Variants in CCNH observed in about 807,000 individuals in gnomAD.
The protein encoded by CCNH is cyclin-H.
A neutral mutation model predicts 41.9 loss-of-function variants in CCNH; 31 were observed. The ratio of observed to expected loss-of-function variants is 0.74; its 90% CI spans 0.56 to 1.00. The LOEUF is 1.00. Among genes scored for constraint, CCNH ranks in the 50% least tolerant of loss-of-function variants. The pLI is 0.00. For missense variants in CCNH, 362 were observed against 388.4 expected (o/e 0.93, Z 0.57); for synonymous variants, 138 against 136.1 (o/e 1.01, Z -0.10).
intron 9 of CCNH, among the ~76,000 whole-genome samples, chr5:87,356,239 C>G (rs1179368174): frequency 6.6e-6 from 1 of 152,086 alleles, no homozygotes; most frequent in East Asian, 1.9e-4. Context: ...TCAATTGATG[C>G]AGCAGACTTC....
chr5:87,355,614 C>G (rs887232904), intron 9 of CCNH, among the ~76,000 whole-genome samples: 4 of 152,176 alleles, frequency 2.6e-5, no homozygotes, highest in African/African-American at 9.7e-5. Context: ...TATTCTGCAG[C>G]CCATGGATCA....
At chr5:87,349,475 A>G in intron 9 of CCNH, 2 of 1,250,456 alleles carry the variant, frequency 1.6e-6, no homozygotes, top group Non-Finnish European at 1.1e-6. Flanking sequence ...TCTAAAAATT[A>G]TAAGACCTTC....
At position 87,362,691 on chromosome 5, in the gene CCNH, A is replaced by T. The variant is rs775159328; in HGVS notation, c.*90+30079T>A. 21 of 1,599,456 alleles carry T rather than the reference A, an allele frequency of 1.3e-5. No homozygotes were observed. Among genetic ancestry groups the T allele is most frequent in the Non-Finnish European group, 1.6e-5 (19 of 1,167,246 alleles). The stretch of plus-strand genomic sequence containing the variant: ...AAAAGGGTAAGTTCAGACTTTTATC[A>T]TTAACCCATTTGATAGAGACGTTGT... On this transcript the variant is annotated intron_variant and NMD_transcript_variant, in intron 9 of 9. Transcript: ENST00000645953.
chr5:87,322,487 A>C (rs1239851867), intron 9 of CCNH, among the ~76,000 whole-genome samples: 1 of 152,202 alleles, frequency 6.6e-6, no homozygotes, highest in Non-Finnish European at 1.5e-5. Context: ...TAAATCAGTC[A>C]GTCCCTGGTG....
At chr5:87,369,129 T>A (rs898329519) in intron 9 of CCNH, among the ~76,000 whole-genome samples, 2 of 152,176 alleles carry the variant, frequency 1.3e-5, no homozygotes, top group African/African-American at 4.8e-5. Flanking sequence ...AGAAGTAACA[T>A]TTATTGAGTT....
At chr5:87,318,297 G>A (rs1232648750), downstream of CCNH, 1 of 152,080 alleles carries the variant, frequency 6.6e-6, no homozygotes, top group Non-Finnish European at 1.5e-5. Flanking sequence ...CCAGTATAGG[G>A]GAACATGTAA....
At chr5:87,411,624 G>A (rs1380645652) in intron 1 of CCNH, among the ~76,000 whole-genome samples, 2 of 152,048 alleles carry the variant, frequency 1.3e-5, no homozygotes, top group East Asian at 3.9e-4. Context: ...GTGTGCACAT[G>A]CTCACAGTTG....
chr5:87,376,488 C>A (rs1440445181), exon 1 of CCNH: 1 of 1,613,962 alleles, frequency 6.2e-7, no homozygotes, highest in Non-Finnish European at 8.5e-7. Flanking sequence ...AGGTATTGAA[C>A]CAGGGTCCCT....
downstream of CCNH, chr5:87,391,116 A>C: frequency 1.6e-6 from 1 of 614,736 alleles, no homozygotes; most frequent in Non-Finnish European, 2.9e-6. Flanking sequence ...AATCTTTAAC[A>C]ACCTCTGAGC....
chr5:87,385,240 A>G (rs570834587), intron 9 of CCNH: 9 of 1,044,442 alleles, frequency 8.6e-6, no homozygotes, highest in Admixed American at 1.7e-5. Context: ...TAAATTTATA[A>G]TGGTTTAGCT....
chr5:87,329,491 A>G (rs183824162), intron 9 of CCNH, among the ~76,000 whole-genome samples: 5 of 152,190 alleles, frequency 3.3e-5, no homozygotes, highest in Admixed American at 1.3e-4. Context: ...AAACATATAT[A>G]TTACTTAAAA....
chr5:87,395,467 T>C (rs1762881536), intron 7 of CCNH, among the ~76,000 whole-genome samples: 1 of 152,154 alleles, frequency 6.6e-6, no homozygotes, highest in African/African-American at 2.4e-5. Context: ...AAGTGAGATA[T>C]TAAACAGATC....
chr5:87,383,085 C>G (rs1761833276), intron 9 of CCNH, among the ~76,000 whole-genome samples: 1 of 152,132 alleles, frequency 6.6e-6, no homozygotes, highest in Non-Finnish European at 1.5e-5. Flanking sequence ...CAGAACAAAA[C>G]CCTATCTCAA....
chr5:87,401,867 C>T, intron 5 of CCNH, 95 bp from the exon 6 acceptor site: 2 of 682,620 alleles, frequency 2.9e-6, no homozygotes, highest in South Asian at 5.5e-5. Context: ...TCATCAAAGG[C>T]AATTAAAAAA....
intron 2 of CCNH, among the ~76,000 whole-genome samples, chr5:87,409,778 G>A (rs751288348): frequency 9.9e-5 from 15 of 151,996 alleles, no homozygotes; most frequent in Non-Finnish European, 1.9e-4. Flanking sequence ...CATGGGCAAG[G>A]CAATAAGCCT....
chr5:87,389,195 G>A, downstream of CCNH: 1 of 513,880 alleles, frequency 1.9e-6, no homozygotes, highest in East Asian at 3.9e-5. Flanking sequence ...GCTGGGCATG[G>A]TGGCAGGTGC....
At chr5:87,331,209 A>C (rs1757571595) in intron 9 of CCNH, 1 of 1,042,336 alleles carries the variant, frequency 9.6e-7, no homozygotes, top group Admixed American at 1.7e-5. Context: ...TTAAAATTGG[A>C]ATAACTGGTT....
intron 3 of CCNH, among the ~76,000 whole-genome samples, chr5:87,408,798 A>T (rs1431559944): frequency 1.3e-5 from 2 of 152,132 alleles, no homozygotes; most frequent in Non-Finnish European, 2.9e-5. Context: ...AAAAGAGAAA[A>T]CAGGTACAAT....
intron 9 of CCNH, among the ~76,000 whole-genome samples, chr5:87,321,935 C>T (rs1343100635): frequency 6.6e-6 from 1 of 152,162 alleles, no homozygotes; most frequent in African/African-American, 2.4e-5. Context: ...AGGAGAAGGT[C>T]AGGGATATTG....
Sources: gnomAD v4.1 joint callset for allele counts (sites outside exome capture counted in the v4.1 genomes callset) on GRCh38, gnomAD v4.1.1 for gene constraint, MANE v1.5 for transcripts, NCBI Gene and HGNC (gene_info 2026-07-23, HGNC 2026-07-21) for gene names.